The following TEC variants were observed in gnomAD, a reference collection of about 807,000 sequenced individuals.
TEC encodes tec protein tyrosine kinase.
A neutral mutation model predicts 93.0 loss-of-function variants in TEC; 72 were observed. The ratio of observed to expected loss-of-function variants is 0.77; its 90% CI spans 0.64 to 0.94. The LOEUF (loss-of-function observed/expected upper bound fraction) is 0.94. TEC is among the 40% of genes least tolerant of loss of function. The pLI, the probability that TEC is intolerant of heterozygous loss-of-function variation, is 0.00. For synonymous variants in TEC, 249 were observed against 247.7 expected, an observed-to-expected ratio of 1.01 and a Z score of -0.05; for missense variants, 630 against 757.9, an observed-to-expected ratio of 0.83 and a Z score of 1.98.
chr4:48,201,247 G>C (rs1180192108), intron 2 of TEC, among the ~76,000 whole-genome samples: 2 of 152,154 alleles, frequency 1.3e-5, no homozygotes, highest in African/African-American at 4.8e-5. Context: ...ACCAATTACT[G>C]AACTAGAGAT....
At chr4:48,268,699 G>A (rs1177315095) in intron 1 of TEC, among the ~76,000 whole-genome samples, 1 of 152,154 alleles carries the variant, frequency 6.6e-6, no homozygotes, top group Non-Finnish European at 1.5e-5. Flanking sequence ...GAATAATCTA[G>A]AAGTGAGTAA....
At chr4:48,262,519 A>C (rs914726663) in intron 1 of TEC, among the ~76,000 whole-genome samples, 2 of 151,976 alleles carry the variant, frequency 1.3e-5, no homozygotes, top group Admixed American at 6.6e-5. Flanking sequence ...TTTCTTAACT[A>C]TAAAGTGTCC....
intron 8 of TEC, 63 bp from the exon 9 acceptor site, chr4:48,156,797 G>A: frequency 1.5e-6 from 2 of 1,355,886 alleles, no homozygotes; most frequent in Middle Eastern, 1.9e-4. Context: ...ATTCTTTTCA[G>A]AATTAATAAA....
At chr4:48,173,175 T>C (rs748159971) in intron 3 of TEC, among the ~76,000 whole-genome samples, 29 of 152,074 alleles carry the variant, frequency 1.9e-4, no homozygotes, top group Non-Finnish European at 2.9e-4. Flanking sequence ...CCCTTGACTA[T>C]TCCCCTCCTG....
At chr4:48,194,686 C>T (rs1217173282) in intron 2 of TEC, among the ~76,000 whole-genome samples, 1 of 152,098 alleles carries the variant, frequency 6.6e-6, no homozygotes, top group Non-Finnish European at 1.5e-5. Flanking sequence ...GAAGGAATCA[C>T]CATAATAACA....
intron 1 of TEC, among the ~76,000 whole-genome samples, chr4:48,248,101 C>T (rs1184003221): frequency 2.0e-5 from 3 of 152,216 alleles, no homozygotes; most frequent in Admixed American, 1.3e-4. Context: ...CAGACTGATA[C>T]ACTCTCTCTG....
chr4:48,186,387 G>A (rs1721847541), intron 2 of TEC, among the ~76,000 whole-genome samples: 1 of 151,684 alleles, frequency 6.6e-6, no homozygotes, highest in Non-Finnish European at 1.5e-5. Flanking sequence ...CCTCTTCCCG[G>A]CCGCCATCCC....
intron 1 of TEC, among the ~76,000 whole-genome samples, chr4:48,251,880 TA>T (rs1487632680): frequency 2.0e-5 from 3 of 152,122 alleles, no homozygotes; most frequent in Non-Finnish European, 1.5e-5. Context: ...GAAGAAATAG[TA>T]GAAGCAAATA....
Position 48,269,773 on chromosome 4 carries a change from G to A in TEC, c.-67C>T, listed in dbSNP as rs1724744698. The A allele has an allele frequency of 6.6e-6, 1 of 152,214 alleles. No homozygotes were observed. The highest frequency in any genetic ancestry group is 2.4e-5 in the African/African-American group (1 of 41,440). The allele number at this position is 152,214 out of a possible 1,614,324, so 9.4% of individuals were successfully genotyped here. ...TTACCTGGCTGAAGCGCGGCTGCTG[G>A]GCGGACCTGGGGAGACTGCGAGGTG... On this transcript the variant is annotated 5_prime_UTR_variant, in exon 1 of 18. Coordinates refer to ENST00000381501, the MANE Select transcript of TEC (RefSeq NM_003215.3).
At chr4:48,229,902 C>T (rs1327950596) in intron 1 of TEC, among the ~76,000 whole-genome samples, 6 of 149,970 alleles carry the variant, frequency 4.0e-5, no homozygotes, top group Admixed American at 6.7e-5. Context: ...GGTGAAACCC[C>T]GTCTCTACTA....
At chr4:48,181,408 T>C (rs1375266037) in intron 2 of TEC, among the ~76,000 whole-genome samples, 3 of 151,764 alleles carry the variant, frequency 2.0e-5, no homozygotes, top group African/African-American at 7.3e-5. Flanking sequence ...GGCACCGTGG[T>C]TCACTCCTGT....
At chr4:48,177,235 C>A (rs1180604447) in intron 2 of TEC, among the ~76,000 whole-genome samples, 3 of 152,120 alleles carry the variant, frequency 2.0e-5, no homozygotes, top group Non-Finnish European at 4.4e-5. Context: ...AAAATTATTA[C>A]AAACACAATG....
chr4:48,149,880 C>T (rs966439001), intron 10 of TEC, among the ~76,000 whole-genome samples, 190 bp from the exon 11 acceptor site: 4 of 152,172 alleles, frequency 2.6e-5, no homozygotes, highest in Non-Finnish European at 2.9e-5. Flanking sequence ...TTAAATTACT[C>T]ACTGAAAACA....
intron 1 of TEC, among the ~76,000 whole-genome samples, chr4:48,261,629 T>A (rs1313333955): frequency 6.6e-6 from 1 of 152,160 alleles, no homozygotes; most frequent in Non-Finnish European, 1.5e-5. Context: ...AGGTTTTTCC[T>A]ACTAAATCAC....
At chr4:48,256,111 G>T (rs546905989) in intron 1 of TEC, among the ~76,000 whole-genome samples, 1 of 152,282 alleles carries the variant, frequency 6.6e-6, no homozygotes, top group South Asian at 2.1e-4. Context: ...GAATGACTAT[G>T]GCTCTGTGAC....
chr4:48,183,825 C>G (rs536475609), intron 2 of TEC, among the ~76,000 whole-genome samples: 2 of 152,154 alleles, frequency 1.3e-5, no homozygotes, highest in East Asian at 1.9e-4. Context: ...TCTAGAGAAC[C>G]CTGATTAATA....
intron 1 of TEC, among the ~76,000 whole-genome samples, chr4:48,268,004 C>T (rs1274194795): frequency 6.6e-6 from 1 of 152,208 alleles, no homozygotes; most frequent in African/African-American, 2.4e-5. Context: ...CTTCCCCAAG[C>T]GTAAAAGTAG....
Position 48,178,201 on chromosome 4 carries a change from C to A in TEC, c.139-2015G>T, listed in dbSNP as rs572145517. On this transcript the variant is annotated intron_variant, in intron 2 of 17. Coordinates refer to ENST00000381501, the MANE Select transcript of TEC (RefSeq NM_003215.3). Reference sequence around the variant, plus strand: ...CCCTTGTGTAGTGAAGAGAACCCAGCGGCCTCAAACTACCAGTGCCCTCAA... The same window carrying A: ...CCCTTGTGTAGTGAAGAGAACCCAGAGGCCTCAAACTACCAGTGCCCTCAA... 7.2e-5 allele frequency among the ~76,000 whole-genome samples: 8 copies of A among 111,770 alleles called. 1 individual carries two copies. In the South Asian group the frequency reaches 1.1e-3, roughly 16 times the overall value. 73.3% of individuals were successfully genotyped at this position (111,770 alleles called of 152,430 possible).
intron 2 of TEC, 134 bp from the exon 3 acceptor site, chr4:48,176,320 T>C: frequency 1.6e-6 from 1 of 636,694 alleles, no homozygotes. Flanking sequence ...TGTTTCCCAC[T>C]AACTGCTAAA....
Sources: allele counts gnomAD v4.1 joint callset (sites outside exome capture counted in the v4.1 genomes callset), GRCh38; gene constraint gnomAD v4.1.1; transcripts MANE v1.5; gene names NCBI Gene and HGNC (gene_info 2026-07-23, HGNC 2026-07-21).